Variants in LIMA1 observed in about 807,000 individuals in gnomAD.
LIMA1 encodes the protein LIM domain and actin-binding protein 1.
LIMA1 carries 52 observed loss-of-function variants against 62.6 expected under a neutral mutation model. That is an observed-to-expected ratio of 0.83 (90% CI 0.67 to 1.05). The LOEUF is 1.05. LIMA1 is among the 50% of genes least tolerant of loss of function. The pLI is 0.00. For synonymous variants in LIMA1, 302 were observed against 317.8 expected (o/e 0.95, Z 0.53); for missense variants, 780 against 902.2 (o/e 0.86, Z 1.74).
At chr12:50,247,203 G>C (rs988705128) in intron 2 of LIMA1, among the ~76,000 whole-genome samples, 1 of 152,032 alleles carries the variant, frequency 6.6e-6, no homozygotes, top group East Asian at 1.9e-4. Context: ...TCCTATCAGA[G>C]AAGGTGGAGT....
intron 1 of LIMA1, among the ~76,000 whole-genome samples, chr12:50,254,235 T>C (rs935538474): frequency 6.6e-6 from 1 of 152,002 alleles, no homozygotes; most frequent in African/African-American, 2.4e-5. Flanking sequence ...ATAACAAAAA[T>C]AAACACAGAT....
chr12:50,263,917 A>ATG, intron 1 of LIMA1, among the ~76,000 whole-genome samples: 1 of 145,504 alleles, frequency 6.9e-6, no homozygotes, highest in East Asian at 2.0e-4. Context: ...ATATATATAT[A>ATG]TACTCAAGAG....
At chr12:50,236,588 C>G (rs567369672) in intron 2 of LIMA1, among the ~76,000 whole-genome samples, 1 of 151,782 alleles carries the variant, frequency 6.6e-6, no homozygotes, top group Non-Finnish European at 1.5e-5. Flanking sequence ...CGTGAGCCAC[C>G]GCACCCGGCC....
intron 4 of LIMA1, chr12:50,217,528 T>A (rs10747572): frequency 0.29 from 43,946 of 151,868 alleles, 7,046 homozygotes; most frequent in East Asian, 0.64. Flanking sequence ...GCAATTTTTT[T>A]ATTTTTCTCC....
chr12:50,276,508 G>A (rs555097996), intron 1 of LIMA1, among the ~76,000 whole-genome samples: 1 of 152,228 alleles, frequency 6.6e-6, no homozygotes, highest in Admixed American at 6.5e-5. Flanking sequence ...GGAAATGAAA[G>A]TGAGTATTTA....
intron 4 of LIMA1, among the ~76,000 whole-genome samples, chr12:50,221,011 G>A (rs527849278): frequency 6.6e-6 from 1 of 152,298 alleles, no homozygotes; most frequent in Admixed American, 6.5e-5. Context: ...TGCAAGTCAT[G>A]GGAAGGGATT....
chr12:50,194,937 A>G (rs1940895569), intron 8 of LIMA1, among the ~76,000 whole-genome samples: 1 of 151,978 alleles, frequency 6.6e-6, no homozygotes, highest in Admixed American at 6.6e-5. Context: ...AATCCCAGCT[A>G]CTCAGGAAGC....
intron 7 of LIMA1, among the ~76,000 whole-genome samples, chr12:50,198,563 T>C (rs1473485846): frequency 6.6e-6 from 1 of 151,700 alleles, no homozygotes; most frequent in East Asian, 1.9e-4. Flanking sequence ...CTAAAAAAAT[T>C]TAAAAAATAC....
chr12:50,267,986 G>T (rs1942159969), intron 1 of LIMA1, among the ~76,000 whole-genome samples: 2 of 152,086 alleles, frequency 1.3e-5, no homozygotes, highest in Non-Finnish European at 2.9e-5. Context: ...TTTATAAATT[G>T]TTTATTATCT....
intron 9 of LIMA1, among the ~76,000 whole-genome samples, chr12:50,184,020 C>T (rs1422447505): frequency 1.3e-5 from 2 of 151,922 alleles, no homozygotes; most frequent in African/African-American, 4.8e-5. Context: ...GTGGTAAACT[C>T]CCAAGTAGTG....
intron 1 of LIMA1, among the ~76,000 whole-genome samples, chr12:50,270,357 G>A (rs1208654410): frequency 4.0e-5 from 6 of 151,816 alleles, no homozygotes; most frequent in African/African-American, 1.2e-4. Context: ...CCAGCACTCT[G>A]GGAGACCAAG....
intron 10 of LIMA1, 144 bp downstream of exon 10, chr12:50,181,760 C>T: frequency 1.2e-6 from 1 of 816,924 alleles, no homozygotes; most frequent in Non-Finnish European, 1.9e-6. Context: ...AAAGACTTGT[C>T]ACTAAATGAT....
intron 4 of LIMA1, among the ~76,000 whole-genome samples, chr12:50,213,004 G>A (rs769733899): frequency 6.6e-5 from 10 of 151,890 alleles, no homozygotes; most frequent in Non-Finnish European, 1.2e-4. Context: ...TAATAGAGAT[G>A]GGGTTTTGCC....
At chr12:50,207,748 G>A (rs1332046804) in intron 4 of LIMA1, among the ~76,000 whole-genome samples, 1 of 151,894 alleles carries the variant, frequency 6.6e-6, no homozygotes, top group East Asian at 1.9e-4. Flanking sequence ...AAATTAGCCA[G>A]GTGTGGTGAC....
intron 4 of LIMA1, among the ~76,000 whole-genome samples, chr12:50,211,160 A>T (rs1473231623): frequency 6.6e-6 from 1 of 151,682 alleles, no homozygotes; most frequent in African/African-American, 2.4e-5. Flanking sequence ...CATCTCTACT[A>T]AAAATACAAA....
At chr12:50,255,795 T>A (rs1165808595) in intron 1 of LIMA1, among the ~76,000 whole-genome samples, 1 of 152,010 alleles carries the variant, frequency 6.6e-6, no homozygotes, top group Non-Finnish European at 1.5e-5. Flanking sequence ...CATTGCTACA[T>A]AATGTTTTTT....
intron 2 of LIMA1, among the ~76,000 whole-genome samples, chr12:50,248,195 A>G (rs948766818): frequency 3.3e-5 from 5 of 152,240 alleles, no homozygotes; most frequent in African/African-American, 1.2e-4. Flanking sequence ...CACATTGGAA[A>G]GTGCAGGTAT....
intron 4 of LIMA1, among the ~76,000 whole-genome samples, chr12:50,214,993 A>G (rs1195472365): frequency 6.6e-6 from 1 of 152,198 alleles, no homozygotes; most frequent in Non-Finnish European, 1.5e-5. Context: ...TTCTGCAACA[A>G]TCTGGGCATT....
At chr12:50,243,704 T>C (rs1941809232) in intron 2 of LIMA1, among the ~76,000 whole-genome samples, 1 of 152,168 alleles carries the variant, frequency 6.6e-6, no homozygotes, top group Admixed American at 6.6e-5. Context: ...GTCTTCAGCA[T>C]TCTCCAAGCC....
Sources: allele counts gnomAD v4.1 joint callset (sites outside exome capture counted in the v4.1 genomes callset), GRCh38; gene constraint gnomAD v4.1.1; transcripts MANE v1.5; gene names NCBI Gene and HGNC (gene_info 2026-07-23, HGNC 2026-07-21).